BICRA: variants seen among roughly 807,000 people sequenced by gnomAD.
BICRA encodes BRD4-interacting chromatin-remodeling complex-associated protein.
Under a neutral mutation model 96.9 loss-of-function variants are expected in BICRA, and 31 were observed. The ratio of observed to expected loss-of-function variants is 0.32; its 90% CI spans 0.24 to 0.43. BICRA has a LOEUF of 0.43. Among genes scored for constraint, BICRA ranks in the 20% least tolerant of loss-of-function variants. BICRA has a pLI of 1.00. For missense variants in BICRA, 2,283 were observed against 2,190.3 expected, an observed-to-expected ratio of 1.04 and a Z score of -0.84; for synonymous variants, 1,350 against 1,071.8, an observed-to-expected ratio of 1.26 and a Z score of -5.07.
Position 47,680,784 on chromosome 19 carries a change from C to T in BICRA, c.1614C>T (p.Ser538=), listed in dbSNP as rs779469273. ...PVLAPHSGAH[S]AHILSAAPIQ... is the part of the protein sequence containing the mutation. ...TGGCCCCCCACTCCGGGGCCCACAG[C>T]GCGCACATCCTCTCCGCCGCTCCCA... Residue 538 remains serine, a synonymous_variant, in exon 6 of 15, where the codon AGC becomes AGT. Coordinates refer to ENST00000594866, the MANE Select transcript of BICRA (RefSeq NM_001394372.1). 5 of 1,609,932 alleles carry T rather than the reference C, an allele frequency of 3.1e-6. No individual in the cohort carries two copies. In the South Asian group the frequency reaches 3.3e-5, roughly 11 times the overall value.
At position 47,680,850 on chromosome 19, in the gene BICRA, G is replaced by A. The variant is rs762223606; in HGVS notation, c.1680G>A (p.Ser560=). The A allele has an allele frequency of 6.3e-6, 10 of 1,575,348 alleles. No homozygotes were observed. The highest frequency in any genetic ancestry group is 7.7e-6 in the Non-Finnish European group (9 of 1,168,678). Reference sequence around the variant, plus strand: ...CTGCGCTCTTCCAGATGCCCGTGTCGCTGGCGGCGGGCAGCCTGCCCACGC... The same window carrying A: ...CTGCGCTCTTCCAGATGCCCGTGTCACTGGCGGCGGGCAGCCTGCCCACGC... ...GQPALFQMPV[S]LAAGSLPTQS... is the part of the protein sequence containing the mutation. The change falls in exon 6 of 15, where the codon TCG becomes TCA. Residue 560 remains serine (S), a synonymous_variant. Transcript: ENST00000594866.
intron 1 of BICRA, among the ~76,000 whole-genome samples, chr19:47,635,640 T>C (rs901590530): frequency 2.6e-5 from 4 of 152,242 alleles, no homozygotes; most frequent in African/African-American, 9.6e-5. Context: ...CCTGCAAAAC[T>C]CTTCTGCTTT....
intron 1 of BICRA, among the ~76,000 whole-genome samples, chr19:47,623,795 G>A (rs994541391): frequency 6.6e-6 from 1 of 151,970 alleles, no homozygotes; most frequent in African/African-American, 2.4e-5. Flanking sequence ...CATGATCCAA[G>A]GTCATTGCCC....
In BICRA at chr19:47,698,993, G is replaced by A. The variant is rs914868224; in HGVS notation, c.3426G>A (p.Thr1142=). The part of the protein sequence containing the change: ...KVDEEFETVS[T]QLLKRTQAML... The stretch of plus-strand genomic sequence containing the variant: ...ACGAGGAGTTTGAGACGGTCTCCAC[G>A]CAGCTGCTGAAACGCACCCAGGCCA... Residue 1142 remains threonine (T), a synonymous_variant, in exon 13 of 15, where the codon ACG becomes ACA. Coordinates refer to ENST00000594866, the MANE Select transcript of BICRA (RefSeq NM_001394372.1). This position sits in a 1 kb window ranked among gnomAD's most constrained non-coding sequence, Gnocchi z 4.8. 1.3e-6 allele frequency: 2 copies of A among 1,586,498 alleles called. No homozygotes were observed. The highest frequency in any genetic ancestry group is 4.6e-5 in the East Asian group (2 of 43,210).
rs780048710 is a variant in BICRA at position 47,698,258 on chromosome 19, A to C, written c.3249-376A>C. 1.3e-5 allele frequency among the ~76,000 whole-genome samples: 2 copies of C among 152,104 alleles called. No homozygotes were observed. Among genetic ancestry groups the C allele is most frequent in the Non-Finnish European group, 2.9e-5 (2 of 67,998 alleles). On this transcript the variant is annotated intron_variant, in intron 11 of 14. Coordinates refer to ENST00000594866, the MANE Select transcript of BICRA (RefSeq NM_001394372.1). This position sits in a 1 kb window ranked among gnomAD's most constrained non-coding sequence, Gnocchi z 4.8. ...TCCCTCCCTTCTTCCCGAAGGCTGC[A>C]CTTTGGAGGAGGCACGGTGGAGCCA...
At chr19:47,624,311 C>T (rs1408864867) in intron 1 of BICRA, among the ~76,000 whole-genome samples, 1 of 152,154 alleles carries the variant, frequency 6.6e-6, no homozygotes, top group Non-Finnish European at 1.5e-5. Flanking sequence ...TGCCCAGAGT[C>T]ATCTTCCCCT....
At chr19:47,685,484 G>A (rs552213206) in intron 7 of BICRA, among the ~76,000 whole-genome samples, 1 of 152,288 alleles carries the variant, frequency 6.6e-6, no homozygotes, top group East Asian at 1.9e-4. Context: ...ACAGATGGAT[G>A]GCTGAATAGA....
chr19:47,658,813 C>T (rs1229784091), intron 1 of BICRA, among the ~76,000 whole-genome samples: 1 of 152,108 alleles, frequency 6.6e-6, no homozygotes, highest in Non-Finnish European at 1.5e-5. Flanking sequence ...GGTCTACAAA[C>T]CCGTGCGCAC....
At chr19:47,649,470 G>A (rs533711052) in intron 1 of BICRA, among the ~76,000 whole-genome samples, 2 of 152,172 alleles carry the variant, frequency 1.3e-5, no homozygotes, top group East Asian at 3.8e-4. Flanking sequence ...CTGCCTCGAA[G>A]ATCTTGTGTC....
intron 1 of BICRA, among the ~76,000 whole-genome samples, chr19:47,660,522 T>G (rs1972688615): frequency 6.6e-6 from 1 of 152,196 alleles, no homozygotes; most frequent in Non-Finnish European, 1.5e-5. Flanking sequence ...AAATACATCC[T>G]AAGAGCTTAA....
In BICRA at chr19:47,681,271, C is replaced by T. The variant is rs1319025479; in HGVS notation, c.2101C>T (p.Pro701Ser). The T allele has an allele frequency of 1.3e-5, 20 of 1,541,628 alleles. No homozygotes were observed. Among genetic ancestry groups the T allele is most frequent in the Non-Finnish European group, 1.6e-5 (18 of 1,149,474 alleles). Residue 701 changes from proline (P) to serine (S), a missense_variant, in exon 6 of 15, where the codon CCC becomes TCC. Transcript: ENST00000594866. The stretch of plus-strand genomic sequence containing the variant: ...TCAGGACTCCCTGCAGATGTTCCTG[C>T]CCCAGGTAAGCAGGGCGGGGCAAGG... ...LTQDSLQMFLPQERSQQPLSA... is the reference protein window; with the variant it reads ...LTQDSLQMFLSQERSQQPLSA...
intron 1 of BICRA, among the ~76,000 whole-genome samples, chr19:47,647,094 A>C (rs1012411909): frequency 6.6e-6 from 1 of 152,158 alleles, no homozygotes; most frequent in Non-Finnish European, 1.5e-5. Context: ...TGATGTTGTC[A>C]AGGTCCCTCC....
intron 10 of BICRA, 54 bp from the exon 11 acceptor site, chr19:47,696,397 G>C (rs1973342969): frequency 1.3e-6 from 2 of 1,508,384 alleles, no homozygotes; most frequent in Non-Finnish European, 1.8e-6. Context: ...AAGCTGGTCG[G>C]GGGAGGGAAG....
intron 1 of BICRA, among the ~76,000 whole-genome samples, chr19:47,627,655 G>C (rs904639841): frequency 3.9e-5 from 6 of 152,138 alleles, no homozygotes; most frequent in Non-Finnish European, 5.9e-5. Context: ...CAATGAGCCA[G>C]GAAAAAAGAA....
chr19:47,657,854 G>A (rs775659061), intron 1 of BICRA, among the ~76,000 whole-genome samples: 12 of 152,026 alleles, frequency 7.9e-5, no homozygotes, highest in South Asian at 2.1e-4. Flanking sequence ...TCTAGGAGAA[G>A]GCCATTCCAG....
intron 1 of BICRA, among the ~76,000 whole-genome samples, chr19:47,609,467 T>C (rs1240111734): frequency 1.2e-5 from 1 of 83,186 alleles, no homozygotes; most frequent in Non-Finnish European, 3.0e-5. Context: ...GCCGCCCCGA[T>C]CCTATGGGGA....
At chr19:47,646,438 GAC>G (rs5828308) in intron 1 of BICRA, among the ~76,000 whole-genome samples, 108,827 of 150,876 alleles carry the variant, frequency 0.72, 39,555 homozygotes, top group African/African-American at 0.82. Flanking sequence ...CATGCACACA[GAC>G]ACACGTGTGC....
In BICRA at chr19:47,617,527, C is replaced by G. The variant is rs144090988; in HGVS notation, c.-108+8359C>G. Among the ~76,000 whole-genome samples, 1,085 of 151,930 alleles carry G rather than the reference C, an allele frequency of 7.1e-3. 11 individuals are homozygous for G. Among genetic ancestry groups the G allele is most frequent in the African/African-American group, 0.025 (1,028 of 41,432 alleles). On this transcript the variant is annotated intron_variant, in intron 1 of 14. Coordinates refer to ENST00000594866, the MANE Select transcript of BICRA (RefSeq NM_001394372.1). ...TACAGGTGCCTGCCACCACACACGG[C>G]TAATTGTTGTATTTTTAGTAGAGAA...
chr19:47,685,799 G>GCGCGCGCGCA (rs141802949), intron 7 of BICRA, among the ~76,000 whole-genome samples: 11 of 148,842 alleles, frequency 7.4e-5, no homozygotes, highest in Middle Eastern at 3.4e-3. Flanking sequence ...GCGCGCGCGC[G>GCGCGCGCGCA]CATGCGTACA....
Sources: gnomAD v4.1 joint callset for allele counts (sites outside exome capture counted in the v4.1 genomes callset) on GRCh38, gnomAD v4.1.1 for gene constraint, Gnocchi (gnomAD v3.1) non-coding constraint, MANE v1.5 for transcripts, NCBI Gene and HGNC (gene_info 2026-07-23, HGNC 2026-07-21) for gene names.